Variants in LRRC4C observed in about 807,000 individuals in gnomAD.
LRRC4C encodes the protein leucine rich repeat containing 4C, also known as leucine-rich repeat-containing protein 4C.
In LRRC4C, 5 loss-of-function variants were observed where a neutral mutation model predicts 33.6. The ratio of observed to expected loss-of-function variants is 0.15; its 90% CI spans 0.08 to 0.31. The LOEUF is 0.31. LRRC4C is among the 10% of genes least tolerant of loss of function. The pLI, the probability that LRRC4C is intolerant of heterozygous loss-of-function variation, is 1.00. For missense variants in LRRC4C, 560 were observed against 796.7 expected, an observed-to-expected ratio of 0.70 and a Z score of 3.58; for synonymous variants, 329 against 302.0, an observed-to-expected ratio of 1.09 and a Z score of -0.93.
chr11:41,383,147 T>A (rs892478824), intron 1 of LRRC4C, among the ~76,000 whole-genome samples: 1 of 152,026 alleles, frequency 6.6e-6, no homozygotes, highest in African/African-American at 2.4e-5. Flanking sequence ...TGCAATTGCT[T>A]ATCAGAAAAG....
chr11:40,126,606 A>T (rs1856245286), intron 6 of LRRC4C, among the ~76,000 whole-genome samples: 2 of 152,352 alleles, frequency 1.3e-5, no homozygotes, highest in Non-Finnish European at 2.9e-5. Flanking sequence ...TTCAATATTT[A>T]CATGCCATAA....
At chr11:41,030,112 C>CTA (rs1856624509) in intron 1 of LRRC4C, among the ~76,000 whole-genome samples, 1 of 151,690 alleles carries the variant, frequency 6.6e-6, no homozygotes, top group Admixed American at 6.6e-5. Context: ...AAATTGCCAT[C>CTA]TATCATAAAG....
intron 3 of LRRC4C, among the ~76,000 whole-genome samples, chr11:40,518,867 G>A (rs2135205958): frequency 6.6e-6 from 1 of 152,238 alleles, no homozygotes; most frequent in South Asian, 2.1e-4. Flanking sequence ...GTGATTGACT[G>A]GATAAAGAAA....
intron 3 of LRRC4C, among the ~76,000 whole-genome samples, chr11:40,558,112 A>C (rs1245173245): frequency 6.6e-6 from 1 of 152,204 alleles, no homozygotes; most frequent in African/African-American, 2.4e-5. Flanking sequence ...TTAGCACTGC[A>C]ATTACTGTTC....
At chr11:40,472,849 A>C (rs926628693) in intron 3 of LRRC4C, among the ~76,000 whole-genome samples, 3 of 152,202 alleles carry the variant, frequency 2.0e-5, no homozygotes, top group African/African-American at 7.2e-5. Context: ...TAAACTAGAA[A>C]ATCTAGAAAA....
intron 6 of LRRC4C, among the ~76,000 whole-genome samples, chr11:40,117,182 T>C (rs1855498800): frequency 6.6e-6 from 1 of 152,240 alleles, no homozygotes; most frequent in African/African-American, 2.4e-5. Context: ...ATAAAAATGT[T>C]GCTATGAGAA....
intron 1 of LRRC4C, among the ~76,000 whole-genome samples, chr11:41,426,760 A>G (rs1290159068): frequency 6.6e-6 from 1 of 152,096 alleles, no homozygotes. Context: ...TTTGCTCCTC[A>G]TTATATTGAC....
chr11:40,170,130 G>A (rs1400968954), intron 5 of LRRC4C, among the ~76,000 whole-genome samples: 1 of 152,160 alleles, frequency 6.6e-6, no homozygotes, highest in Non-Finnish European at 1.5e-5. Context: ...TTACAAAAAG[G>A]GAGTGTGCAT....
At chr11:40,837,509 T>C (rs1291984185) in intron 2 of LRRC4C, among the ~76,000 whole-genome samples, 9 of 151,624 alleles carry the variant, frequency 5.9e-5, no homozygotes, top group Non-Finnish European at 1.3e-4. Context: ...AACCGGCATA[T>C]TGTGAAGATT....
intron 3 of LRRC4C, among the ~76,000 whole-genome samples, chr11:40,633,349 C>CTT (rs1435408825): frequency 1.2e-5 from 1 of 84,854 alleles, no homozygotes; most frequent in African/African-American, 4.0e-5. Context: ...TTCTTTCTTT[C>CTT]TTTCTTTCTT....
intron 1 of LRRC4C, among the ~76,000 whole-genome samples, chr11:41,410,794 G>A (rs1339330427): frequency 2.6e-5 from 4 of 152,018 alleles, no homozygotes; most frequent in Non-Finnish European, 5.9e-5. Context: ...ATGATTAATA[G>A]AATTAGAATA....
intron 5 of LRRC4C, among the ~76,000 whole-genome samples, chr11:40,240,124 C>T (rs1181128096): frequency 6.6e-6 from 1 of 152,164 alleles, no homozygotes; most frequent in Admixed American, 6.5e-5. Flanking sequence ...TTGCTCTAAA[C>T]CATAACTTTA....
chr11:40,392,273 T>G (rs1949367186), intron 3 of LRRC4C, among the ~76,000 whole-genome samples: 1 of 152,174 alleles, frequency 6.6e-6, no homozygotes, highest in South Asian at 2.1e-4. Context: ...ACGTATATAA[T>G]ATACAACACA....
At chr11:41,434,195 AAC>A (rs1955343912) in intron 1 of LRRC4C, among the ~76,000 whole-genome samples, 1 of 152,114 alleles carries the variant, frequency 6.6e-6, no homozygotes, top group South Asian at 2.1e-4. Context: ...TTTATTTGTA[AAC>A]ACATTAAAAA....
At chr11:40,323,075 A>G (rs1459743746) in intron 3 of LRRC4C, among the ~76,000 whole-genome samples, 4 of 152,206 alleles carry the variant, frequency 2.6e-5, no homozygotes, top group Non-Finnish European at 5.9e-5. Flanking sequence ...TAAATGTTCA[A>G]TACCCTAAAA....
intron 3 of LRRC4C, among the ~76,000 whole-genome samples, chr11:40,382,684 A>ATTTTTTTTTTTTTTTTTT (rs35200000): frequency 1.5e-5 from 1 of 65,568 alleles, no homozygotes; most frequent in African/African-American, 6.4e-5. Flanking sequence ...ACTTGTACTC[A>ATTTTTTTTTTTTTTTTTT]TTTTTTTTTT....
At chr11:40,888,784 G>T (rs1040814396) in intron 2 of LRRC4C, among the ~76,000 whole-genome samples, 3 of 151,862 alleles carry the variant, frequency 2.0e-5, no homozygotes, top group African/African-American at 4.8e-5. Flanking sequence ...ATCTTTGAAG[G>T]TTCTCATGTG....
In LRRC4C at chr11:40,114,673, A is replaced by C. The variant is rs1564998459; in HGVS notation, c.1620T>G (p.Ala540=). The change falls in exon 7 of 7, where the codon GCT becomes GCG. Residue 540 remains alanine, a synonymous_variant. Coordinates refer to ENST00000528697, the MANE Select transcript of LRRC4C (RefSeq NM_001258419.2). ...IGCFVAITLM[A]AVMLVIFYKM... is the part of the protein sequence containing the mutation. ...TGTAGAAAATGACCAGCATCACTGC[A>C]GCCATGAGTGTGATGGCCACAAAAC... 2.5e-6 allele frequency: 4 copies of C among 1,614,194 alleles called. No individual in the cohort carries two copies. Among genetic ancestry groups the C allele is most frequent in the Non-Finnish European group, 2.5e-6 (3 of 1,180,030 alleles).
intron 3 of LRRC4C, among the ~76,000 whole-genome samples, chr11:40,424,170 T>G (rs1032840464): frequency 4.6e-5 from 6 of 129,178 alleles, no homozygotes; most frequent in Admixed American, 7.4e-5. Context: ...ATGGCCTTCA[T>G]AAAAGTTGGG....
Sources: allele counts gnomAD v4.1 joint callset (sites outside exome capture counted in the v4.1 genomes callset), GRCh38; gene constraint gnomAD v4.1.1; transcripts MANE v1.5; gene names NCBI Gene and HGNC (gene_info 2026-07-23, HGNC 2026-07-21).